The following AGBL4 variants were observed in gnomAD, a reference collection of about 807,000 sequenced individuals.
The protein encoded by AGBL4 is cytosolic carboxypeptidase 6.
AGBL4 carries 58 observed loss-of-function variants against 66.4 expected under a neutral mutation model. The ratio of observed to expected loss-of-function variants is 0.87; its 90% CI spans 0.71 to 1.09. The LOEUF (loss-of-function observed/expected upper bound fraction) is 1.09, where lower values mean the gene tolerates loss of function less well. AGBL4 is among the 50% of genes least tolerant of loss of function. The probability of loss-of-function intolerance (pLI) is 0.00; values close to 1 mark genes in which losing one functional copy is unlikely to be tolerated. For missense variants in AGBL4, 579 were observed against 631.0 expected (o/e 0.92, Z 0.88); for synonymous variants, 234 against 222.9 (o/e 1.05, Z -0.44).
intron 5 of AGBL4, among the ~76,000 whole-genome samples, chr1:49,043,653 GT>G (rs1181635798): frequency 6.6e-6 from 1 of 152,072 alleles, no homozygotes; most frequent in Non-Finnish European, 1.5e-5. Context: ...CATATACCAT[GT>G]ATACCAATTA....
chr1:48,751,119 T>C (rs959850753), intron 6 of AGBL4, among the ~76,000 whole-genome samples: 2 of 152,174 alleles, frequency 1.3e-5, no homozygotes, highest in African/African-American at 4.8e-5. Flanking sequence ...ATCTATAAGA[T>C]AGGGGTGAAA....
At chr1:49,009,352 C>A (rs1254972977) in intron 5 of AGBL4, among the ~76,000 whole-genome samples, 4 of 151,792 alleles carry the variant, frequency 2.6e-5, no homozygotes, top group Admixed American at 6.6e-5. Flanking sequence ...TCTGAATAGA[C>A]CAATAACAGG....
At chr1:49,648,681 A>C (rs1049977978) in intron 3 of AGBL4, among the ~76,000 whole-genome samples, 2 of 152,076 alleles carry the variant, frequency 1.3e-5, no homozygotes, top group African/African-American at 2.4e-5. Flanking sequence ...CTCTCCAGAA[A>C]CTATGCAAGC....
At chr1:49,949,910 T>G (rs1655919470) in intron 1 of AGBL4, among the ~76,000 whole-genome samples, 1 of 150,114 alleles carries the variant, frequency 6.7e-6, no homozygotes, top group Non-Finnish European at 1.5e-5. Context: ...TATGCATGTT[T>G]ATAGCAGCAC....
chr1:48,541,315 A>T (rs1644064406), intron 11 of AGBL4, among the ~76,000 whole-genome samples: 1 of 152,196 alleles, frequency 6.6e-6, no homozygotes, highest in African/African-American at 2.4e-5. Context: ...GGCCTTCACC[A>T]ACCAGAGTGC....
chr1:48,969,234 C>A (rs367645068), intron 5 of AGBL4, among the ~76,000 whole-genome samples: 2 of 152,004 alleles, frequency 1.3e-5, no homozygotes, highest in East Asian at 3.9e-4. Context: ...TAATACACGG[C>A]GGACACTCCT....
At position 49,395,749 on chromosome 1, in the gene AGBL4, A is replaced by G. The variant is rs111939313; in HGVS notation, c.283-149885T>C. On this transcript the variant is annotated intron_variant, in intron 3 of 13. Transcript: ENST00000371839. ...AAAATGTGTGTATATATATATATGT[A>G]TATATATATATATACACATATATAT... 4.1e-3 allele frequency among the ~76,000 whole-genome samples: 585 copies of G among 141,510 alleles called. 6 individuals are homozygous for G. The highest frequency in any genetic ancestry group is 0.014 in the African/African-American group (533 of 37,996). 92.8% of individuals were successfully genotyped at this position (141,510 alleles called of 152,430 possible).
At chr1:49,963,154 A>C (rs1244309807) in intron 1 of AGBL4, among the ~76,000 whole-genome samples, 2 of 152,180 alleles carry the variant, frequency 1.3e-5, no homozygotes, top group Non-Finnish European at 2.9e-5. Flanking sequence ...AACAAGTAAC[A>C]AAAATAATTT....
At chr1:49,225,019 T>A (rs1295651329) in intron 4 of AGBL4, among the ~76,000 whole-genome samples, 2 of 152,164 alleles carry the variant, frequency 1.3e-5, no homozygotes, top group Admixed American at 6.5e-5. Context: ...AGTGGGAAAG[T>A]TATTAAAAGG....
At chr1:48,843,544 A>T (rs770448534) in intron 6 of AGBL4, among the ~76,000 whole-genome samples, 13 of 152,206 alleles carry the variant, frequency 8.5e-5, no homozygotes, top group Non-Finnish European at 1.6e-4. Flanking sequence ...AATCAAAAGA[A>T]GAATATCTTA....
intron 9 of AGBL4, among the ~76,000 whole-genome samples, chr1:48,619,612 G>A (rs924050542): frequency 2.6e-5 from 4 of 152,128 alleles, no homozygotes; most frequent in Non-Finnish European, 5.9e-5. Flanking sequence ...ATAAAGATTC[G>A]CCTTAGCAGT....
intron 9 of AGBL4, among the ~76,000 whole-genome samples, chr1:48,602,277 G>A (rs1645084458): frequency 6.6e-6 from 1 of 152,196 alleles, no homozygotes; most frequent in Non-Finnish European, 1.5e-5. Flanking sequence ...CCCTGGAGAA[G>A]TCCTTCTCTC....
intron 3 of AGBL4, among the ~76,000 whole-genome samples, chr1:49,471,153 T>C (rs1057333347): frequency 2.0e-5 from 3 of 152,014 alleles, no homozygotes; most frequent in African/African-American, 7.2e-5. Context: ...TCCTAAAATG[T>C]AGATCCAGGA....
chr1:49,610,060 G>A (rs1484243909), intron 3 of AGBL4, among the ~76,000 whole-genome samples: 1 of 152,028 alleles, frequency 6.6e-6, no homozygotes, highest in East Asian at 1.9e-4. Context: ...GTAAGCAAAT[G>A]CAGGCAATAG....
At chr1:49,815,244 GA>G (rs1645202974) in intron 2 of AGBL4, among the ~76,000 whole-genome samples, 2 of 151,934 alleles carry the variant, frequency 1.3e-5, no homozygotes, top group South Asian at 4.2e-4. Flanking sequence ...TTGATTTTTA[GA>G]TCCCACAAAT....
chr1:48,763,718 C>T (rs1036518288), intron 6 of AGBL4, among the ~76,000 whole-genome samples: 2 of 152,182 alleles, frequency 1.3e-5, no homozygotes, highest in South Asian at 2.1e-4. Flanking sequence ...AGCAATCGTT[C>T]GGACTCACAA....
chr1:49,754,458 A>T (rs756725618), intron 2 of AGBL4, among the ~76,000 whole-genome samples: 2 of 151,978 alleles, frequency 1.3e-5, no homozygotes, highest in Non-Finnish European at 2.9e-5. Context: ...TTCTTCTGCA[A>T]GTCTGCTGGA....
intron 3 of AGBL4, among the ~76,000 whole-genome samples, chr1:49,541,250 A>C (rs1406129445): frequency 6.6e-6 from 1 of 152,144 alleles, no homozygotes; most frequent in Admixed American, 6.5e-5. Flanking sequence ...GGAGCCCTTC[A>C]GCCCGCCGCT....
At chr1:49,521,985 A>T (rs1350923124) in intron 3 of AGBL4, among the ~76,000 whole-genome samples, 1 of 152,044 alleles carries the variant, frequency 6.6e-6, no homozygotes, top group Non-Finnish European at 1.5e-5. Context: ...GGGTGATGGG[A>T]TCATTCGTAC....
Sources: allele counts gnomAD v4.1 joint callset (sites outside exome capture counted in the v4.1 genomes callset), GRCh38; gene constraint gnomAD v4.1.1; transcripts MANE v1.5; gene names NCBI Gene and HGNC (gene_info 2026-07-23, HGNC 2026-07-21).